Variants in CAMSAP1 observed in about 807,000 individuals in gnomAD.
CAMSAP1 encodes calmodulin-regulated spectrin-associated protein 1.
Under a neutral mutation model 143.5 loss-of-function variants are expected in CAMSAP1, and 58 were observed. The observed-to-expected ratio is 0.40, with a 90% confidence interval of 0.33 to 0.50. CAMSAP1 has a LOEUF of 0.50. Ranked by LOEUF, CAMSAP1 falls within the 20% of genes least tolerant of loss-of-function variation. The pLI, the probability that CAMSAP1 is intolerant of heterozygous loss-of-function variation, is 0.45. For missense variants in CAMSAP1, 1,969 were observed against 2,115.7 expected (o/e 0.93, Z 1.36); for synonymous variants, 945 against 859.3 (o/e 1.10, Z -1.74).
intron 7 of CAMSAP1, among the ~76,000 whole-genome samples, chr9:135,833,292 G>A (rs922853660): frequency 4.6e-5 from 7 of 151,916 alleles, no homozygotes; most frequent in South Asian, 2.1e-4. Context: ...CGTTTTAGCC[G>A]GGATGGTCTC....
At chr9:135,888,640 G>A (rs192896397) in intron 1 of CAMSAP1, among the ~76,000 whole-genome samples, 6 of 152,332 alleles carry the variant, frequency 3.9e-5, no homozygotes, top group Middle Eastern at 3.4e-3. Context: ...ATTTGACACT[G>A]AGAAAGTCAC....
intron 1 of CAMSAP1, among the ~76,000 whole-genome samples, chr9:135,885,186 G>T (rs939278882): frequency 6.6e-6 from 1 of 152,020 alleles, no homozygotes; most frequent in Non-Finnish European, 1.5e-5. Context: ...TATTGGAAGG[G>T]GCACTTCCTA....
At chr9:135,857,215 T>A (rs931554775) in intron 5 of CAMSAP1, among the ~76,000 whole-genome samples, 1 of 152,230 alleles carries the variant, frequency 6.6e-6, no homozygotes, top group Non-Finnish European at 1.5e-5. Flanking sequence ...CTACATTTTG[T>A]GTTGACTAAG....
In CAMSAP1 at chr9:135,821,985, G is replaced by A. The variant is rs780094354; in HGVS notation, c.2676C>T (p.Ile892=). ...CCTCCATCTTCTTCTTCTGGGCCTC[G>A]ATGGCCCTGCGCTTCTCCTCCAGCT... ...HMQLEEKRRA[I]EAQKKKMEAL... The change falls in exon 11 of 17, where the codon ATC becomes ATT. Residue 892 remains isoleucine (I), a synonymous_variant. Coordinates refer to ENST00000389532, the MANE Select transcript of CAMSAP1 (RefSeq NM_015447.4). This position sits in a 1 kb window ranked among gnomAD's most constrained non-coding sequence, Gnocchi z 4.6. The A allele has an allele frequency of 2.9e-5, 46 of 1,612,646 alleles. No homozygotes were observed. Among genetic ancestry groups the A allele is most frequent in the South Asian group, 1.3e-4 (12 of 91,042 alleles).
chr9:135,819,399 T>C (rs987692936), intron 11 of CAMSAP1, among the ~76,000 whole-genome samples: 13 of 152,140 alleles, frequency 8.5e-5, no homozygotes, highest in Non-Finnish European at 1.9e-4. Context: ...TACACGTATA[T>C]TTCCAAAATA....
chr9:135,862,607 A>C lies in CAMSAP1; in HGVS notation c.668T>G (p.Val223Gly), dbSNP rs555974840. Residue 223 changes from valine (V) to glycine (G), a missense_variant and splice_region_variant, in exon 5 of 17, where the codon GTC (valine) becomes GGC (glycine). Physicochemically the swap from Val to Gly is moderately radical, Grantham distance 109. This residue lies in a region of CAMSAP1 where 221 missense variants were observed against 298.2 expected (regional missense o/e 0.74). Coordinates refer to ENST00000389532, the MANE Select transcript of CAMSAP1 (RefSeq NM_015447.4). The part of the protein sequence containing the change: ...QLLESPAHQK[V>G]RYRREHLSAR... The stretch of plus-strand genomic sequence containing the variant: ...AGAAAGGTGCTCTCGTCGATAGCGG[A>C]CCTGTAGTTGATAAAAGGAAAACGG... The C allele has an allele frequency of 6.4e-7, 1 of 1,551,680 alleles. No homozygotes were observed. The highest frequency in any genetic ancestry group is 1.4e-5 in the African/African-American group (1 of 73,166).
chr9:135,869,280 A>G (rs867511798), intron 3 of CAMSAP1, among the ~76,000 whole-genome samples: 2 of 152,090 alleles, frequency 1.3e-5, no homozygotes, highest in South Asian at 4.2e-4. Flanking sequence ...AAGCAGATGG[A>G]GCTCTTGAGC....
At chr9:135,876,875 G>A (rs1001955944) in intron 3 of CAMSAP1, among the ~76,000 whole-genome samples, 18 of 152,182 alleles carry the variant, frequency 1.2e-4, no homozygotes, top group Admixed American at 1.1e-3. Context: ...CAGGTGTGGT[G>A]GCAGGCGCCT....
In CAMSAP1 at chr9:135,849,614, T is replaced by A. The variant is rs77408731; in HGVS notation, c.1045+523A>T. 3.3e-5 allele frequency among the ~76,000 whole-genome samples: 5 copies of A among 152,294 alleles called. No homozygotes were observed. In the East Asian group the frequency reaches 9.6e-4, roughly 29 times the overall value. On this transcript the variant is annotated intron_variant, in intron 7 of 16. Transcript: ENST00000389532. ...TACCACATACATTGCAAGTACCTTT[T>A]CCCCCTCTATAGTTATTAATAGTTG... is the stretch of plus-strand genomic sequence containing the variant.
chr9:135,868,562 G>A (rs1837461682), intron 3 of CAMSAP1, among the ~76,000 whole-genome samples: 1 of 148,390 alleles, frequency 6.7e-6, no homozygotes, highest in African/African-American at 2.5e-5. Context: ...GCCACCAAAA[G>A]CTAGATAACT....
At position 135,820,929 on chromosome 9, in the gene CAMSAP1, G is replaced by C; in HGVS notation, c.3732C>G (p.Pro1244=). 6.2e-7 allele frequency: 1 copy of C among 1,613,688 alleles called. No individual in the cohort carries two copies. Among genetic ancestry groups the C allele is most frequent in the South Asian group, 1.1e-5 (1 of 91,068 alleles). The change falls in exon 11 of 17, where the codon CCC becomes CCG. Residue 1244 remains proline, a synonymous_variant. Coordinates refer to ENST00000389532, the MANE Select transcript of CAMSAP1 (RefSeq NM_015447.4). The surrounding 1 kb of genome is among the most constrained non-coding windows in gnomAD (Gnocchi z 4.4). ...IEVDLSDLKA[P]DEDGELVSLD... ...GGCTTACCAGCTCCCCATCCTCGTC[G>C]GGGGCCTTCAGGTCGGAGAGGTCCA...
At chr9:135,883,161 G>A (rs1371717503) in intron 1 of CAMSAP1, 83 bp from the exon 2 acceptor site, 5 of 1,447,576 alleles carry the variant, frequency 3.5e-6, no homozygotes, top group African/African-American at 2.8e-5. Flanking sequence ...AACTATGACT[G>A]TGCCACTGTA....
At chr9:135,863,956 C>A (rs1029024976) in intron 4 of CAMSAP1, among the ~76,000 whole-genome samples, 19 of 152,150 alleles carry the variant, frequency 1.2e-4, no homozygotes, top group African/African-American at 4.6e-4. Context: ...GTGAAACACT[C>A]CGGAACTACA....
intron 1 of CAMSAP1, among the ~76,000 whole-genome samples, chr9:135,886,286 G>A (rs1381726216): frequency 1.3e-5 from 2 of 152,156 alleles, no homozygotes; most frequent in African/African-American, 4.8e-5. Flanking sequence ...AAGTCAACAG[G>A]TAATTTCCAC....
rs970454300 is a variant in CAMSAP1 at position 135,882,795 on chromosome 9, C to A, written c.423+21G>T. 3.2e-6 allele frequency: 5 copies of A among 1,540,062 alleles called. No individual in the cohort carries two copies. In the Admixed American group the frequency reaches 7.9e-5, roughly 24 times the overall value. On this transcript the variant is annotated intron_variant, in intron 2 of 16. Transcript: ENST00000389532. The surrounding 1 kb of genome is among the most constrained non-coding windows in gnomAD (Gnocchi z 4.9). ...GGCTCCAGAGGATGGCCCCTGGGGG[C>A]GGCCACCGCAGACCACTCACCATTT...
intron 7 of CAMSAP1, chr9:135,836,881 TCAC>T (rs915019656): frequency 4.9e-5 from 48 of 976,532 alleles, no homozygotes; most frequent in Non-Finnish European, 5.7e-5. Context: ...TACAAACACG[TCAC>T]CACACTTGCT....
chr9:135,821,583 C>G lies in CAMSAP1; in HGVS notation c.3078G>C (p.Lys1026Asn). The G allele has an allele frequency of 6.2e-7, 1 of 1,614,018 alleles. No homozygotes were observed. Among genetic ancestry groups the G allele is most frequent in the Non-Finnish European group, 8.5e-7 (1 of 1,179,890 alleles). ...DVNECDLSIE[K>N]LNETISTLQQ... ...GCAGCGTACTGATGGTTTCGTTAAG[C>G]TTCTCGATGGAAAGGTCACATTCAT... is the stretch of plus-strand genomic sequence containing the variant. The change falls in exon 11 of 17, where the codon AAG (lysine) becomes AAC (asparagine). Residue 1026 changes from lysine (K) to asparagine (N), a missense_variant. By Grantham distance (94) the Lys-to-Asn change is moderately conservative. Transcript: ENST00000389532. The surrounding 1 kb of genome is among the most constrained non-coding windows in gnomAD (Gnocchi z 4.6).
At chr9:135,896,892 G>A (rs1470392993) in intron 1 of CAMSAP1, among the ~76,000 whole-genome samples, 9 of 152,156 alleles carry the variant, frequency 5.9e-5, no homozygotes, top group African/African-American at 1.2e-4. Context: ...AAGGAGGCTT[G>A]AGGGAGCCTG....
chr9:135,850,594 T>C (rs2130904065), intron 5 of CAMSAP1, 133 bp from the exon 6 acceptor site: 3 of 680,854 alleles, frequency 4.4e-6, no homozygotes, highest in East Asian at 5.8e-5. Context: ...ATGTAGGGAG[T>C]ATAGGATGTA....
Sources: gnomAD v4.1 joint callset for allele counts (sites outside exome capture counted in the v4.1 genomes callset) on GRCh38, gnomAD v4.1.1 for gene constraint, gnomAD v4.1.1 regional missense constraint, Gnocchi (gnomAD v3.1) non-coding constraint, MANE v1.5 for transcripts, NCBI Gene and HGNC (gene_info 2026-07-23, HGNC 2026-07-21) for gene names.